Variants in IQSEC1 observed in about 807,000 individuals in gnomAD.
IQSEC1 encodes the protein IQ motif and SEC7 domain-containing protein 1.
Under a neutral mutation model 91.0 loss-of-function variants are expected in IQSEC1, and 31 were observed. That is an observed-to-expected ratio of 0.34 (90% CI 0.26 to 0.46). The LOEUF (loss-of-function observed/expected upper bound fraction) is 0.46. IQSEC1 is among the 20% of genes least tolerant of loss of function. The pLI, the probability that IQSEC1 is intolerant of heterozygous loss-of-function variation, is 1.00. For missense variants in IQSEC1, 1,388 were observed against 1,575.6 expected, an observed-to-expected ratio of 0.88 and a Z score of 2.02; for synonymous variants, 699 against 662.6, an observed-to-expected ratio of 1.05 and a Z score of -0.84.
intron 2 of IQSEC1, among the ~76,000 whole-genome samples, chr3:13,115,081 G>C (rs1706313402): frequency 6.6e-6 from 1 of 152,210 alleles, no homozygotes; most frequent in Non-Finnish European, 1.5e-5. Flanking sequence ...CTTGAATGTA[G>C]AGCCATGGAA....
chr3:13,080,697 A>C (rs567897632), intron 2 of IQSEC1, among the ~76,000 whole-genome samples: 1 of 152,242 alleles, frequency 6.6e-6, no homozygotes, highest in East Asian at 1.9e-4. Context: ...TCCAACGGCC[A>C]CTTCCCTGGG....
intron 2 of IQSEC1, among the ~76,000 whole-genome samples, chr3:13,118,943 C>T (rs1706378004): frequency 6.6e-6 from 1 of 151,994 alleles, no homozygotes; most frequent in Non-Finnish European, 1.5e-5. Context: ...TATAGTGGCA[C>T]TCGCCTGTAG....
At chr3:13,179,445 T>A (rs1693794836) in intron 1 of IQSEC1, among the ~76,000 whole-genome samples, 1 of 152,232 alleles carries the variant, frequency 6.6e-6, no homozygotes, top group African/African-American at 2.4e-5. Context: ...GAATGAAAAC[T>A]GTCAACCCAC....
In IQSEC1 at chr3:12,915,700, A is replaced by G. The variant is rs752273721; in HGVS notation, c.2054T>C (p.Met685Thr). The G allele has an allele frequency of 1.2e-6, 2 of 1,614,114 alleles. No homozygotes were observed. Among genetic ancestry groups the G allele is most frequent in the Non-Finnish European group, 1.7e-6 (2 of 1,179,996 alleles). The change falls in exon 7 of 14, where the codon ATG becomes ACG. Residue 685 changes from methionine (M) to threonine (T), a missense_variant. Met to Thr is a moderately conservative substitution (Grantham distance 81). Transcript: ENST00000613206. ...VDDGEDIPRE[M>T]LMGIYERIRK... The stretch of plus-strand genomic sequence containing the variant: ...GATCCGTTCATAGATCCCCATCAGC[A>G]TCTCACGGGGAATGTCCTCACCATC...
chr3:13,136,646 G>T (rs1706715854), intron 2 of IQSEC1, among the ~76,000 whole-genome samples: 1 of 152,188 alleles, frequency 6.6e-6, no homozygotes, highest in Non-Finnish European at 1.5e-5. Flanking sequence ...AACAGGGACA[G>T]CAAATGACCT....
intron 1 of IQSEC1, among the ~76,000 whole-genome samples, chr3:13,268,836 T>A (rs1029050930): frequency 6.6e-6 from 1 of 152,156 alleles, no homozygotes; most frequent in Non-Finnish European, 1.5e-5. Flanking sequence ...GAGCAAGGTA[T>A]GGCTGCTGCC....
At chr3:13,044,614 C>T (rs146878120) in intron 1 of IQSEC1, among the ~76,000 whole-genome samples, 148 of 152,336 alleles carry the variant, frequency 9.7e-4, no homozygotes, top group African/African-American at 3.3e-3. Context: ...GGCGATCTGC[C>T]GAGTGTGATG....
chr3:12,973,502 G>A (rs918153074), intron 1 of IQSEC1, among the ~76,000 whole-genome samples: 9 of 152,258 alleles, frequency 5.9e-5, no homozygotes, highest in South Asian at 4.1e-4. Flanking sequence ...CCTGGTGGTG[G>A]GGCCCAGACA....
chr3:13,061,127 C>T (rs1169453699), intron 1 of IQSEC1, among the ~76,000 whole-genome samples: 1 of 152,134 alleles, frequency 6.6e-6, no homozygotes, highest in Non-Finnish European at 1.5e-5. Flanking sequence ...TGCTCTTGCT[C>T]AGGAACCCCC....
chr3:13,138,000 T>C (rs891379115), intron 2 of IQSEC1, among the ~76,000 whole-genome samples: 3 of 152,180 alleles, frequency 2.0e-5, no homozygotes, highest in African/African-American at 7.2e-5. Flanking sequence ...GTGTCACAGT[T>C]GGAAGCCAGA....
Position 13,019,559 on chromosome 3 carries a change from C to T in IQSEC1, c.23+53433G>A, listed in dbSNP as rs530565564. Among the ~76,000 whole-genome samples, 28 of 152,358 alleles carry T rather than the reference C, an allele frequency of 1.8e-4. No individual in the cohort carries two copies. The South Asian group carries it at 5.8e-3, about 32-fold the overall frequency. Reference sequence around the variant, plus strand: ...GCTGGGATCCGCAGAGGGCCTGCTCCTGGCTGGCTGGCTGGTTGGGGCGTG... The same window carrying T: ...GCTGGGATCCGCAGAGGGCCTGCTCTTGGCTGGCTGGCTGGTTGGGGCGTG... On this transcript the variant is annotated intron_variant, in intron 1 of 13. Coordinates refer to ENST00000613206, the MANE Select transcript of IQSEC1 (RefSeq NM_001134382.3).
At chr3:13,067,224 G>C (rs139059912) in intron 1 of IQSEC1, among the ~76,000 whole-genome samples, 254 of 152,324 alleles carry the variant, frequency 1.7e-3, no homozygotes, top group African/African-American at 6.0e-3. Flanking sequence ...TGAGATTTGA[G>C]AGAACAGGAG....
chr3:12,902,884 C>A (rs1177068934), intron 12 of IQSEC1, 62 bp from the exon 13 acceptor site: 2 of 1,248,220 alleles, frequency 1.6e-6, no homozygotes, highest in Non-Finnish European at 2.4e-6. Flanking sequence ...TGCTGCCTGC[C>A]TGGTGCCACG....
intron 5 of IQSEC1, among the ~76,000 whole-genome samples, chr3:12,921,332 G>A (rs1210651522): frequency 3.9e-5 from 6 of 152,188 alleles, no homozygotes; most frequent in African/African-American, 1.4e-4. Context: ...GGGCCCTGGG[G>A]TTGTCCTCCC....
At chr3:12,923,923 C>T (rs1696867015) in intron 4 of IQSEC1, among the ~76,000 whole-genome samples, 1 of 152,244 alleles carries the variant, frequency 6.6e-6, no homozygotes, top group Admixed American at 6.5e-5. Flanking sequence ...ACCCATTTTT[C>T]TGCAGGCTTT....
intron 2 of IQSEC1, among the ~76,000 whole-genome samples, chr3:13,083,999 G>A (rs1189564630): frequency 6.6e-6 from 1 of 152,232 alleles, no homozygotes; most frequent in East Asian, 1.9e-4. Flanking sequence ...GGGAAGGGGT[G>A]GACTGAGGGG....
In IQSEC1 at chr3:13,154,438, C is replaced by CACATATATATATATATATATATATATAT. The variant is rs1277879413; in HGVS notation, c.302+9665_302+9666insATATATATATATATATATATATATATGT. On this transcript the variant is annotated intron_variant, in intron 2 of 15. Coordinates refer to the IQSEC1 transcript ENST00000648114. ...ACACCAGGAAGCTGGAACTTACATG[C>CACATATATATATATATATATATATATAT]ATATATATATATATATATATATATA... is the stretch of plus-strand genomic sequence containing the variant. 4.8e-4 allele frequency among the ~76,000 whole-genome samples: 10 copies of CACATATATATATATATATATATATATAT among 20,758 alleles called. 4 individuals are homozygous for CACATATATATATATATATATATATATAT. Among genetic ancestry groups the CACATATATATATATATATATATATATAT allele is most frequent in the Non-Finnish European group, 8.1e-4 (10 of 12,376 alleles). 13.6% of individuals were successfully genotyped at this position (20,758 alleles called of 152,430 possible). A position where few individuals can be genotyped will look rare whatever the true frequency, so the allele number is the denominator to read the frequency against.
chr3:13,008,349 G>A lies in IQSEC1; in HGVS notation c.23+64643C>T, dbSNP rs567102593. Among the ~76,000 whole-genome samples, 124 of 152,272 alleles carry A rather than the reference G, an allele frequency of 8.1e-4. No individual in the cohort carries two copies. The highest frequency in any genetic ancestry group is 2.9e-3 in the African/African-American group (120 of 41,546). Reference sequence around the variant, plus strand: ...AGGTAAGCATCCTCCACCAGTGACCGTCAGGCTGTCCACTGTCCAACCCAG... The same window carrying A: ...AGGTAAGCATCCTCCACCAGTGACCATCAGGCTGTCCACTGTCCAACCCAG... On this transcript the variant is annotated intron_variant, in intron 1 of 13. Coordinates refer to ENST00000613206, the MANE Select transcript of IQSEC1 (RefSeq NM_001134382.3). The surrounding 1 kb of genome is among the most constrained non-coding windows in gnomAD (Gnocchi z 4.1).
At chr3:13,092,701 T>G (rs993556540) in intron 2 of IQSEC1, among the ~76,000 whole-genome samples, 1 of 152,146 alleles carries the variant, frequency 6.6e-6, no homozygotes, top group African/African-American at 2.4e-5. Flanking sequence ...CAATGGTGTC[T>G]CCTCTATCAA....
Sources: allele counts gnomAD v4.1 joint callset (sites outside exome capture counted in the v4.1 genomes callset), GRCh38; gene constraint gnomAD v4.1.1; non-coding constraint Gnocchi (gnomAD v3.1); transcripts MANE v1.5; gene names NCBI Gene and HGNC (gene_info 2026-07-23, HGNC 2026-07-21).